Variants in THRB observed in about 807,000 individuals in gnomAD.
THRB encodes the protein nuclear receptor subfamily 1 group A member 2.
THRB carries 12 observed loss-of-function variants against 47.8 expected under a neutral mutation model. The ratio of observed to expected loss-of-function variants is 0.25; its 90% CI spans 0.16 to 0.41. The LOEUF (loss-of-function observed/expected upper bound fraction) is 0.41. Ranked by LOEUF, THRB falls within the 10% of genes least tolerant of loss-of-function variation. The probability of loss-of-function intolerance (pLI) is 1.00; values close to 1 mark genes in which losing one functional copy is unlikely to be tolerated. For missense variants in THRB, 348 were observed against 589.2 expected, an observed-to-expected ratio of 0.59 and a Z score of 4.24; for synonymous variants, 218 against 212.2, an observed-to-expected ratio of 1.03 and a Z score of -0.24.
At chr3:24,257,545 T>C (rs759468041) in intron 3 of THRB, among the ~76,000 whole-genome samples, 5 of 152,206 alleles carry the variant, frequency 3.3e-5, no homozygotes, top group Non-Finnish European at 5.9e-5. Flanking sequence ...CTAAATCAAG[T>C]GTTGGCAAAT....
chr3:24,226,988 T>G (rs918589428), intron 4 of THRB, among the ~76,000 whole-genome samples: 2 of 152,204 alleles, frequency 1.3e-5, no homozygotes, highest in Non-Finnish European at 2.9e-5. Context: ...GGAGCTGGAA[T>G]GAATGGTCAC....
intron 1 of THRB, among the ~76,000 whole-genome samples, chr3:24,475,905 T>G (rs1695385060): frequency 6.6e-6 from 1 of 152,200 alleles, no homozygotes; most frequent in African/African-American, 2.4e-5. Context: ...TAATACTGCT[T>G]TAAATAGCTC....
chr3:24,216,347 A>G (rs1403066449), intron 4 of THRB, among the ~76,000 whole-genome samples: 1 of 152,180 alleles, frequency 6.6e-6, no homozygotes, highest in Non-Finnish European at 1.5e-5. Flanking sequence ...CGCAGTGGCC[A>G]GTAATCCCAG....
In THRB at chr3:24,119,635, G is replaced by A; in HGVS notation, c.*3249C>T. On this transcript the variant is annotated 3_prime_UTR_variant, in exon 11 of 11. Transcript: ENST00000646209. ...GCGAAGGCCTGGCAGTCCACCCCAG[G>A]CCTGCACTGCACACTGAAGAGCTGT... The A allele has an allele frequency of 6.6e-6, 1 of 152,414 alleles. No individual in the cohort carries two copies. The highest frequency in any genetic ancestry group is 1.5e-5 in the Non-Finnish European group (1 of 68,166). The allele number at this position is 152,414 out of a possible 1,614,324, so 9.4% of individuals were successfully genotyped here. A position where few individuals can be genotyped will look rare whatever the true frequency, so the allele number is the denominator to read the frequency against.
At chr3:24,308,721 C>T (rs1446224007) in intron 2 of THRB, among the ~76,000 whole-genome samples, 1 of 151,974 alleles carries the variant, frequency 6.6e-6, no homozygotes, top group African/African-American at 2.4e-5. Context: ...AACACTTTGC[C>T]CATGGTATAA....
chr3:24,388,491 T>C (rs2066309261), intron 1 of THRB, among the ~76,000 whole-genome samples: 1 of 151,976 alleles, frequency 6.6e-6, no homozygotes, highest in Non-Finnish European at 1.5e-5. Flanking sequence ...AACCCAAAGG[T>C]TGGTCCCTAG....
chr3:24,258,194 G>A (rs755271296), intron 3 of THRB, among the ~76,000 whole-genome samples: 3 of 152,092 alleles, frequency 2.0e-5, no homozygotes, highest in Non-Finnish European at 4.4e-5. Context: ...GGGGGAAGAT[G>A]GAAAAGTTAA....
intron 4 of THRB, among the ~76,000 whole-genome samples, chr3:24,207,142 T>C (rs1164678759): frequency 6.6e-6 from 1 of 152,180 alleles, no homozygotes. Flanking sequence ...CTAACTTATT[T>C]TATGAAGCCA....
In THRB at chr3:24,156,911, A is replaced by C. The variant is rs1005763593; in HGVS notation, c.284-4421T>G. ...AGGGTTATCCTTTAGCCTTTCCCCA[A>C]CATACGAATCCTGATTCCTTTTATA... On this transcript the variant is annotated intron_variant, in intron 5 of 10. Transcript: ENST00000646209. 5.3e-5 allele frequency among the ~76,000 whole-genome samples: 8 copies of C among 152,274 alleles called. No individual in the cohort carries two copies. In the Middle Eastern group the frequency reaches 0.01, roughly 194 times the overall value.
intron 2 of THRB, among the ~76,000 whole-genome samples, chr3:24,324,594 C>T (rs749221239): frequency 1.3e-5 from 2 of 152,186 alleles, no homozygotes; most frequent in African/African-American, 4.8e-5. Flanking sequence ...TACATATCAA[C>T]TTTTTACCTT....
chr3:24,236,867 C>T (rs2048928833), intron 3 of THRB, among the ~76,000 whole-genome samples: 1 of 151,880 alleles, frequency 6.6e-6, no homozygotes, highest in Non-Finnish European at 1.5e-5. Flanking sequence ...AATCTAGGAC[C>T]CAATGAAGTG....
intron 1 of THRB, among the ~76,000 whole-genome samples, chr3:24,389,683 T>A (rs547367513): frequency 5.9e-5 from 9 of 152,068 alleles, no homozygotes; most frequent in Non-Finnish European, 1.3e-4. Context: ...CCTATCTCAA[T>A]TCCCCCCCTT....
chr3:24,155,145 G>GT (rs2037622344), intron 5 of THRB, among the ~76,000 whole-genome samples: 1 of 152,186 alleles, frequency 6.6e-6, no homozygotes, highest in African/African-American at 2.4e-5. Flanking sequence ...TGTAGATGGT[G>GT]TTTAAGGTTC....
chr3:24,205,679 T>A (rs1043011006), intron 4 of THRB, among the ~76,000 whole-genome samples: 3 of 152,324 alleles, frequency 2.0e-5, no homozygotes, highest in African/African-American at 7.2e-5. Flanking sequence ...ATGGGCTCAT[T>A]GCTCCAATTA....
At chr3:24,437,729 C>A (rs1239037802) in intron 1 of THRB, among the ~76,000 whole-genome samples, 1 of 151,900 alleles carries the variant, frequency 6.6e-6, no homozygotes, top group Non-Finnish European at 1.5e-5. Flanking sequence ...ATTCAAGGAT[C>A]CTCCTGTCTA....
intron 9 of THRB, among the ~76,000 whole-genome samples, chr3:24,132,559 C>T (rs1018734495): frequency 2.6e-5 from 4 of 152,184 alleles, no homozygotes; most frequent in Admixed American, 6.5e-5. Context: ...AGTTTGAAGA[C>T]ATTGGGTAAC....
intron 4 of THRB, among the ~76,000 whole-genome samples, chr3:24,200,510 C>G (rs916730773): frequency 4.6e-5 from 7 of 152,072 alleles, no homozygotes; most frequent in African/African-American, 1.7e-4. Flanking sequence ...AGCAAAACAC[C>G]CATATTCTTT....
intron 4 of THRB, among the ~76,000 whole-genome samples, chr3:24,197,236 C>A (rs1463631452): frequency 6.6e-6 from 1 of 152,236 alleles, no homozygotes; most frequent in Non-Finnish European, 1.5e-5. Flanking sequence ...CTCATCATTA[C>A]AAGCAATTCA....
chr3:24,494,327 C>G (rs899932039), intron 1 of THRB: 1 of 152,360 alleles, frequency 6.6e-6, no homozygotes, highest in Non-Finnish European at 1.5e-5. Context: ...ATGTCAACAG[C>G]TGGGCTTGGG....
Sources: gnomAD v4.1 joint callset for allele counts (sites outside exome capture counted in the v4.1 genomes callset) on GRCh38, gnomAD v4.1.1 for gene constraint, MANE v1.5 for transcripts, NCBI Gene and HGNC (gene_info 2026-07-23, HGNC 2026-07-21) for gene names.